The following NME7 variants were observed in gnomAD, a reference collection of about 807,000 sequenced individuals.
NME7 encodes NME/NM23 family member 7, also known as nucleoside diphosphate kinase 7.
A neutral mutation model predicts 49.1 loss-of-function variants in NME7; 41 were observed. The ratio of observed to expected loss-of-function variants is 0.83; its 90% CI spans 0.65 to 1.08. NME7 has a LOEUF of 1.08. NME7 is among the 50% of genes least tolerant of loss of function. The probability of loss-of-function intolerance (pLI) is 0.00; values close to 1 mark genes in which losing one functional copy is unlikely to be tolerated. For synonymous variants in NME7, 139 were observed against 150.6 expected, an observed-to-expected ratio of 0.92 and a Z score of 0.56; for missense variants, 423 against 463.4, an observed-to-expected ratio of 0.91 and a Z score of 0.80.
intron 7 of NME7, among the ~76,000 whole-genome samples, chr1:169,242,202 A>G (rs1207243115): frequency 6.6e-6 from 1 of 152,070 alleles, no homozygotes; most frequent in East Asian, 1.9e-4. Context: ...CATGACCAAG[A>G]GACGTTAATT....
At chr1:169,236,426 T>C (rs1647860477) in intron 8 of NME7, among the ~76,000 whole-genome samples, 1 of 152,162 alleles carries the variant, frequency 6.6e-6, no homozygotes, top group Non-Finnish European at 1.5e-5. Flanking sequence ...GCCTTACCTA[T>C]AGGCTCAATT....
At chr1:169,240,619 A>AT in intron 7 of NME7, among the ~76,000 whole-genome samples, 1 of 152,196 alleles carries the variant, frequency 6.6e-6, no homozygotes, top group Middle Eastern at 3.4e-3. Flanking sequence ...GAATGAAACT[A>AT]TGATATGACT....
chr1:169,246,479 G>T (rs1029379669), intron 7 of NME7, among the ~76,000 whole-genome samples: 15 of 152,142 alleles, frequency 9.9e-5, no homozygotes, highest in African/African-American at 3.6e-4. Flanking sequence ...TCATCCAATA[G>T]ATTTCTGATC....
At chr1:169,330,551 C>T (rs756762217) in intron 1 of NME7, among the ~76,000 whole-genome samples, 2 of 152,018 alleles carry the variant, frequency 1.3e-5, no homozygotes, top group Admixed American at 1.3e-4. Context: ...TGGTGGCAGG[C>T]GCCTGTAGTC....
At chr1:169,296,878 CATT>C in intron 6 of NME7, among the ~76,000 whole-genome samples, 1 of 152,072 alleles carries the variant, frequency 6.6e-6, no homozygotes, top group Non-Finnish European at 1.5e-5. Context: ...ATACTTCTTT[CATT>C]ATTACCACCC....
Position 169,323,217 on chromosome 1 carries a change from A to G in NME7, c.178T>C (p.Leu60=). 6.2e-7 allele frequency: 1 copy of G among 1,609,008 alleles called. No homozygotes were observed. The highest frequency in any genetic ancestry group is 8.5e-7 in the Non-Finnish European group (1 of 1,177,690). ...TKYDNLHLED[L]FIGNKVNVFS... Reference sequence around the variant, plus strand: ...ACATTCACTTTGTTGCCTATAAATAAATCTTCCAAGTGCAGGTTATCATAT... The same window carrying G: ...ACATTCACTTTGTTGCCTATAAATAGATCTTCCAAGTGCAGGTTATCATAT... Residue 60 remains leucine, a synonymous_variant, in exon 3 of 12, where the codon TTA becomes CTA. Coordinates refer to ENST00000367811, the MANE Select transcript of NME7 (RefSeq NM_013330.5).
At chr1:169,247,491 T>A (rs1320698133) in intron 7 of NME7, among the ~76,000 whole-genome samples, 3 of 152,298 alleles carry the variant, frequency 2.0e-5, no homozygotes, top group Admixed American at 2.0e-4. Flanking sequence ...TTTTAAAATT[T>A]TTTTATTTCA....
intron 5 of NME7, among the ~76,000 whole-genome samples, chr1:169,299,284 C>T (rs1650836231): frequency 6.6e-6 from 1 of 151,896 alleles, no homozygotes; most frequent in Non-Finnish European, 1.5e-5. Context: ...AAAAAAAAAT[C>T]CCCAGCAGGC....
At chr1:169,272,364 G>T (rs1405243633) in intron 7 of NME7, among the ~76,000 whole-genome samples, 1 of 132,826 alleles carries the variant, frequency 7.5e-6, no homozygotes, top group African/African-American at 2.5e-5. Flanking sequence ...TGTGTGCTAT[G>T]GTGGTTTGCT....
At chr1:169,191,029 G>T (rs563338560) in intron 10 of NME7, among the ~76,000 whole-genome samples, 8 of 125,796 alleles carry the variant, frequency 6.4e-5, no homozygotes, top group African/African-American at 2.2e-4. Flanking sequence ...AGCCGGGATG[G>T]TCTCGATCTC....
intron 3 of NME7, among the ~76,000 whole-genome samples, chr1:169,313,950 A>G (rs997248485): frequency 8.5e-5 from 13 of 152,152 alleles, no homozygotes; most frequent in Non-Finnish European, 1.8e-4. Flanking sequence ...AGAACTAGAT[A>G]AAGGGTTTGA....
At chr1:169,246,591 A>T (rs933711659) in intron 7 of NME7, among the ~76,000 whole-genome samples, 2 of 152,142 alleles carry the variant, frequency 1.3e-5, no homozygotes, top group Non-Finnish European at 2.9e-5. Flanking sequence ...TAAAAAGAGT[A>T]ACCAATAGAA....
intron 7 of NME7, among the ~76,000 whole-genome samples, chr1:169,253,358 CTGTT>C (rs1447556080): frequency 2.0e-5 from 3 of 150,782 alleles, no homozygotes; most frequent in East Asian, 2.0e-4. Flanking sequence ...ATTTGGCTCT[CTGTT>C]TGTCTGTTAT....
chr1:169,202,249 C>A (rs1660572176), intron 10 of NME7, among the ~76,000 whole-genome samples: 1 of 152,088 alleles, frequency 6.6e-6, no homozygotes, highest in Admixed American at 6.5e-5. Flanking sequence ...GGGGGCAGAT[C>A]CCTCATGAAT....
intron 4 of NME7, chr1:169,303,487 T>C (rs1356389507): frequency 5.9e-6 from 1 of 170,150 alleles, no homozygotes; most frequent in African/African-American, 2.4e-5. Context: ...TTAGATTGAG[T>C]TACCCAGGCC....
At chr1:169,150,159 G>A (rs928282254) in intron 11 of NME7, among the ~76,000 whole-genome samples, 3 of 152,116 alleles carry the variant, frequency 2.0e-5, no homozygotes, top group African/African-American at 7.2e-5. Context: ...GTGACAGAAT[G>A]AGACTCTGTC....
rs550350483 is a variant in NME7, at chr1:169,228,450, G to A, written c.990+2268C>T. ...CCCAGCACTTTGGGAGGCCGAGGCG[G>A]GTGGATCATGAGGTCAGGAGATCGA... On this transcript the variant is annotated intron_variant, in intron 10 of 11. Coordinates refer to ENST00000367811, the MANE Select transcript of NME7 (RefSeq NM_013330.5). Among the ~76,000 whole-genome samples the A allele has an allele frequency of 3.6e-3, 553 of 151,964 alleles. 2 individuals are homozygous for A. The highest frequency in any genetic ancestry group is 4.4e-3 in the Non-Finnish European group (299 of 67,928).
intron 7 of NME7, among the ~76,000 whole-genome samples, chr1:169,252,868 T>C (rs1454902084): frequency 6.7e-6 from 1 of 149,152 alleles, no homozygotes; most frequent in Non-Finnish European, 1.5e-5. Flanking sequence ...GATCAGATAG[T>C]TGTAGATATG....
At chr1:169,343,956 A>G (rs1652867377) in intron 1 of NME7, among the ~76,000 whole-genome samples, 1 of 152,198 alleles carries the variant, frequency 6.6e-6, no homozygotes, top group African/African-American at 2.4e-5. Flanking sequence ...AAAAATGCCC[A>G]CTGGGATTTT....
Sources: gnomAD v4.1 joint callset for allele counts (sites outside exome capture counted in the v4.1 genomes callset) on GRCh38, gnomAD v4.1.1 for gene constraint, MANE v1.5 for transcripts, NCBI Gene and HGNC (gene_info 2026-07-23, HGNC 2026-07-21) for gene names.